AR: variants seen among roughly 807,000 people sequenced by gnomAD.
AR encodes dihydrotestosterone receptor.
Under a neutral mutation model 53.9 loss-of-function variants are expected in AR, and 8 were observed. That is an observed-to-expected ratio of 0.15 (90% confidence interval 0.09 to 0.27). AR has a LOEUF of 0.27. AR is among the 10% of genes least tolerant of loss of function. AR has a pLI of 1.00. For missense variants in AR, 639 were observed against 742.5 expected (o/e 0.86, Z 1.62); for synonymous variants, 359 against 316.4 (o/e 1.13, Z -1.43).
chrX:67,554,649 A>C (rs771473313), intron 1 of AR, among the ~76,000 whole-genome samples: 12 of 111,802 alleles, frequency 1.1e-4, no homozygotes, highest in African/African-American at 3.6e-4. Flanking sequence ...TTTAAAAAAG[A>C]ATCTGGCCGG....
intron 1 of AR, among the ~76,000 whole-genome samples, chrX:67,579,765 C>T (rs914448019): frequency 2.3e-4 from 26 of 111,715 alleles, no homozygotes; most frequent in African/African-American, 8.1e-4. Flanking sequence ...TGGCTCTCTT[C>T]GTTTCTTCCT....
rs1926522484 is a variant in AR, at chrX:67,655,038, C to T, written c.1768+11631C>T. ...AGTATAGTGGTATTCATTCTGCTTCCCATAGGTTAACTTTACATCCCTCTG... is the reference window on the plus strand; with the variant it reads ...AGTATAGTGGTATTCATTCTGCTTCTCATAGGTTAACTTTACATCCCTCTG... On this transcript the variant is annotated intron_variant, in intron 2 of 7. Coordinates refer to ENST00000374690, the MANE Select transcript of AR (RefSeq NM_000044.6). Among the ~76,000 whole-genome samples the T allele has an allele frequency of 4.7e-5, 5 of 105,878 alleles. No homozygotes were observed. The Admixed American group carries it at 5.2e-4, about 11-fold the overall frequency. The allele number at this position is 105,878 out of a possible 115,157, so 91.9% of individuals were successfully genotyped here.
At chrX:67,662,785 T>G (rs897626334) in intron 2 of AR, among the ~76,000 whole-genome samples, 8 of 111,442 alleles carry the variant, frequency 7.2e-5, no homozygotes, top group Middle Eastern at 4.2e-3. Context: ...CTCTAAGGAC[T>G]TGCTTTATGA....
intron 3 of AR, among the ~76,000 whole-genome samples, chrX:67,692,456 C>G (rs1267470834): frequency 1.8e-5 from 2 of 112,204 alleles, no homozygotes; most frequent in Admixed American, 1.9e-4. Context: ...TGACTCAGCA[C>G]TTTGAAACTC....
Position 67,722,864 on chromosome X carries a change from T to C in AR, c.2487T>C (p.Asp829=). 1 of 1,211,398 alleles carries C rather than the reference T, an allele frequency of 8.3e-7. No homozygotes were observed. The highest frequency in any genetic ancestry group is 1.1e-6 in the Non-Finnish European group (1 of 895,298). Reference sequence around the variant, plus strand: ...GGCTGAAAAATCAAAAATTCTTTGATGAACTTCGAATGAACTACATCAAGG... The same window carrying C: ...GGCTGAAAAATCAAAAATTCTTTGACGAACTTCGAATGAACTACATCAAGG... ...VDGLKNQKFF[D]ELRMNYIKEL... The change falls in exon 7 of 8, where the codon GAT becomes GAC. Residue 829 remains aspartate, a synonymous_variant. Coordinates refer to ENST00000374690, the MANE Select transcript of AR (RefSeq NM_000044.6).
rs145820446 is a variant in AR at position 67,546,160 on chromosome X, A to C, written c.1014A>C (p.Thr338=). ...SGSAAAGSSG[T]LELPSTLSLY... ...GCGCTGCAGCAGGGAGCTCCGGGAC[A>C]CTTGAACTGCCGTCTACCCTGTCTC... Residue 338 remains threonine (T), a synonymous_variant, in exon 1 of 8, where the codon ACA becomes ACC. Coordinates refer to ENST00000374690, the MANE Select transcript of AR (RefSeq NM_000044.6). The C allele has an allele frequency of 8.3e-6, 10 of 1,211,045 alleles. No homozygotes were observed. The Admixed American group carries it at 1.3e-4, about 16-fold the overall frequency.
chrX:67,555,940 T>C (rs997806471), intron 1 of AR, among the ~76,000 whole-genome samples: 4 of 112,624 alleles, frequency 3.6e-5, no homozygotes, highest in African/African-American at 1.3e-4. Flanking sequence ...ACTTACTGTT[T>C]CATTTGGGAT....
rs750361616 is a variant in AR, at chrX:67,631,656, T to C, written c.1617-11600T>C. Among the ~76,000 whole-genome samples the C allele has an allele frequency of 2.7e-4, 31 of 112,771 alleles. No homozygotes were observed. The South Asian group carries it at 9.9e-3, about 36-fold the overall frequency. On this transcript the variant is annotated intron_variant, in intron 1 of 7. Transcript: ENST00000374690. ...CTCTCATCTCATCAAAGTCATTCTCTGTCCAGCTTTGTTCCGTTGCTGGTG... is the reference window on the plus strand; with the variant it reads ...CTCTCATCTCATCAAAGTCATTCTCCGTCCAGCTTTGTTCCGTTGCTGGTG...
At chrX:67,561,629 C>A (rs1921310408) in intron 1 of AR, among the ~76,000 whole-genome samples, 1 of 111,281 alleles carries the variant, frequency 9.0e-6, no homozygotes, top group Non-Finnish European at 1.9e-5. Context: ...GGAATGGAAC[C>A]ATGCCCCTTC....
At chrX:67,687,632 T>C (rs1691170990) in intron 3 of AR, among the ~76,000 whole-genome samples, 1 of 111,803 alleles carries the variant, frequency 8.9e-6, no homozygotes, top group South Asian at 3.8e-4. Context: ...GACAAAGTGA[T>C]TGACAAGAAA....
intron 2 of AR, among the ~76,000 whole-genome samples, chrX:67,655,514 A>G (rs997257882): frequency 1.8e-5 from 2 of 111,344 alleles, no homozygotes; most frequent in Admixed American, 9.6e-5. Flanking sequence ...AGAGATAGAT[A>G]TAGGAAACAA....
At chrX:67,632,495 G>A (rs1455478832) in intron 1 of AR, among the ~76,000 whole-genome samples, 7 of 112,055 alleles carry the variant, frequency 6.2e-5, no homozygotes, top group Non-Finnish European at 1.1e-4. Context: ...GCCCTGCTTC[G>A]GCTCACACAC....
chrX:67,559,214 C>T (rs777343987), intron 1 of AR, among the ~76,000 whole-genome samples: 17 of 111,798 alleles, frequency 1.5e-4, no homozygotes, highest in African/African-American at 5.5e-4. Flanking sequence ...AGACTCCGGA[C>T]TGCCAGACCT....
chrX:67,591,907 C>T (rs888527020), intron 1 of AR, among the ~76,000 whole-genome samples: 2 of 112,213 alleles, frequency 1.8e-5, no homozygotes, highest in Non-Finnish European at 1.9e-5. Context: ...GAACAGTTAC[C>T]TAGAAGAAAC....
In AR at chrX:67,728,615, A is replaced by ATATATATATATATT. The variant is rs1555999011; in HGVS notation, c.*4774_*4775insTATATATATATATT. On this transcript the variant is annotated 3_prime_UTR_variant, in exon 8 of 8. Transcript: ENST00000374690. ...TATATATATATATATATATATATAT[A>ATATATATATATATT]GTGTGTGTGTGTGTTCTGATAGCTT... 16 of 92,871 alleles carry ATATATATATATATT rather than the reference A, an allele frequency of 1.7e-4. No homozygotes were observed. The highest frequency in any genetic ancestry group is 2.7e-4 in the Non-Finnish European group (13 of 47,869). 7.7% of individuals were successfully genotyped at this position (92,871 alleles called of 1,213,427 possible).
At chrX:67,640,591 A>G (rs1241988929) in intron 1 of AR, among the ~76,000 whole-genome samples, 1 of 110,923 alleles carries the variant, frequency 9.0e-6, no homozygotes, top group East Asian at 2.8e-4. Flanking sequence ...TAGATTTTCT[A>G]TTTTATTTGC....
chrX:67,605,296 G>A (rs1030575833), intron 1 of AR, among the ~76,000 whole-genome samples: 14 of 112,354 alleles, frequency 1.2e-4, no homozygotes, highest in Non-Finnish European at 3.8e-5. Flanking sequence ...CTGGTTAAGT[G>A]AAGTCCAAAA....
At chrX:67,694,009 A>G (rs930652036) in intron 3 of AR, among the ~76,000 whole-genome samples, 2 of 111,435 alleles carry the variant, frequency 1.8e-5, no homozygotes. Context: ...CTAAGAAGAA[A>G]ATCTGCATCT....
chrX:67,601,509 T>C (rs777177750), intron 1 of AR, among the ~76,000 whole-genome samples: 1 of 111,729 alleles, frequency 9.0e-6, no homozygotes, highest in Non-Finnish European at 1.9e-5. Context: ...CCCCTTGCAG[T>C]AGGAAATGCA....
Sources: gnomAD v4.1 joint callset for allele counts (sites outside exome capture counted in the v4.1 genomes callset) on GRCh38, gnomAD v4.1.1 for gene constraint, MANE v1.5 for transcripts, NCBI Gene and HGNC (gene_info 2026-07-23, HGNC 2026-07-21) for gene names.